ACBD6: variants seen among roughly 807,000 people sequenced by gnomAD.
The protein encoded by ACBD6 is acyl-CoA binding domain containing 6.
In ACBD6, 28 loss-of-function variants were observed where a neutral mutation model predicts 37.2. The ratio of observed to expected loss-of-function variants is 0.75; its 90% confidence interval spans 0.56 to 1.03. The LOEUF (loss-of-function observed/expected upper bound fraction) is 1.03, where lower values mean the gene tolerates loss of function less well. Ranked by LOEUF, ACBD6 falls within the 50% of genes least tolerant of loss-of-function variation. The pLI is 0.00. For missense variants in ACBD6, 340 were observed against 337.4 expected (o/e 1.01, Z -0.06); for synonymous variants, 113 against 126.8 (o/e 0.89, Z 0.73).
At chr1:180,393,647 A>G (rs994773350) in intron 6 of ACBD6, among the ~76,000 whole-genome samples, 23 of 152,352 alleles carry the variant, frequency 1.5e-4, no homozygotes, top group Non-Finnish European at 2.6e-4. Context: ...AACAAAACCA[A>G]AGAAGATATT....
intron 3 of ACBD6, among the ~76,000 whole-genome samples, chr1:180,452,322 T>C (rs551865117): frequency 1.3e-5 from 2 of 151,980 alleles, no homozygotes; most frequent in Admixed American, 6.5e-5. Flanking sequence ...ATACAAAAAT[T>C]ACCTGGGCAT....
intron 1 of ACBD6, among the ~76,000 whole-genome samples, chr1:180,499,899 T>A (rs1651887060): frequency 6.6e-6 from 1 of 152,184 alleles, no homozygotes; most frequent in Non-Finnish European, 1.5e-5. Context: ...ATATTCATAA[T>A]AATGACCATC....
exon 14 of ACBD6, chr1:180,270,587 G>A (rs1381671993): frequency 1.3e-5 from 2 of 152,750 alleles, no homozygotes; most frequent in African/African-American, 4.8e-5. Context: ...CTCAAAATCT[G>A]TCTAGGACTT....
intron 6 of ACBD6, among the ~76,000 whole-genome samples, chr1:180,335,742 T>C (rs1651686727): frequency 6.9e-6 from 1 of 145,756 alleles, no homozygotes. Context: ...TCAAGACCCA[T>C]CAGTGTGCTG....
intron 4 of ACBD6, among the ~76,000 whole-genome samples, chr1:180,420,315 C>A (rs1226008045): frequency 1.3e-5 from 2 of 152,206 alleles, no homozygotes; most frequent in African/African-American, 4.8e-5. Flanking sequence ...CCTGTGAAGT[C>A]ACATATAACA....
At chr1:180,354,747 G>A (rs1358055225) in intron 6 of ACBD6, among the ~76,000 whole-genome samples, 1 of 152,126 alleles carries the variant, frequency 6.6e-6, no homozygotes, top group South Asian at 2.1e-4. Context: ...GTTAGCTTTA[G>A]TTTTATTCCC....
intron 7 of ACBD6, among the ~76,000 whole-genome samples, chr1:180,298,146 A>T (rs1649994515): frequency 6.6e-6 from 1 of 152,234 alleles, no homozygotes; most frequent in Non-Finnish European, 1.5e-5. Context: ...AATCTCTTAT[A>T]AAATACAACA....
intron 3 of ACBD6, among the ~76,000 whole-genome samples, chr1:180,437,617 A>T (rs1039494684): frequency 2.0e-5 from 3 of 152,176 alleles, no homozygotes; most frequent in African/African-American, 7.2e-5. Context: ...AAAAATCCTA[A>T]AGATTCCACC....
intron 9 of ACBD6, chr1:180,277,329 C>G (rs970376901): frequency 5.8e-4 from 89 of 152,220 alleles, no homozygotes. Context: ...GCTTGGAAGT[C>G]TATTATGGGG....
chr1:180,447,943 G>C (rs1194265145), intron 3 of ACBD6, among the ~76,000 whole-genome samples: 1 of 151,790 alleles, frequency 6.6e-6, no homozygotes, highest in Non-Finnish European at 1.5e-5. Context: ...AACAGACCAT[G>C]ATTATAAGTA....
intron 3 of ACBD6, among the ~76,000 whole-genome samples, chr1:180,439,589 CA>C (rs113267124): frequency 2.3e-3 from 309 of 131,734 alleles, no homozygotes; most frequent in Middle Eastern, 3.8e-3. Flanking sequence ...GACTCCGTCT[CA>C]AAAAAAAAAA....
At chr1:180,370,440 C>G (rs1438569719) in intron 6 of ACBD6, among the ~76,000 whole-genome samples, 1 of 152,122 alleles carries the variant, frequency 6.6e-6, no homozygotes, top group African/African-American at 2.4e-5. Flanking sequence ...AAACATTACA[C>G]AAGAGACCAC....
chr1:180,354,165 C>T (rs1652532717), intron 6 of ACBD6, among the ~76,000 whole-genome samples: 2 of 152,140 alleles, frequency 1.3e-5, no homozygotes, highest in Admixed American at 1.3e-4. Flanking sequence ...GGAGGTAGGC[C>T]ACAGCTCACT....
Position 180,461,274 on chromosome 1 carries a change from G to T in ACBD6, c.384+30995C>A, listed in dbSNP as rs150064439. On this transcript the variant is annotated intron_variant, in intron 3 of 7. Coordinates refer to ENST00000367595, the MANE Select transcript of ACBD6 (RefSeq NM_032360.4). ...ATATAAAAAGACCAAATCTATGACT[G>T]ACTGGTGTACCCGAAAGAGCTAGGG... 2.4e-4 allele frequency among the ~76,000 whole-genome samples: 36 copies of T among 152,282 alleles called. No homozygotes were observed. The East Asian group carries it at 5.8e-3, about 24-fold the overall frequency.
chr1:180,490,568 G>T (rs1651453337), intron 3 of ACBD6, among the ~76,000 whole-genome samples: 1 of 151,812 alleles, frequency 6.6e-6, no homozygotes, highest in South Asian at 2.1e-4. Flanking sequence ...GAGGTCAGGA[G>T]ATCGAGACCA....
chr1:180,384,001 C>T (rs58565991), intron 6 of ACBD6, among the ~76,000 whole-genome samples: 1 of 151,828 alleles, frequency 6.6e-6, no homozygotes, highest in South Asian at 2.1e-4. Flanking sequence ...CCATCTCTCA[C>T]CATATATAAA....
chr1:180,280,048 A>G (rs1273176805), intron 9 of ACBD6, among the ~76,000 whole-genome samples: 2 of 152,188 alleles, frequency 1.3e-5, no homozygotes, highest in Non-Finnish European at 2.9e-5. Context: ...TTAGTTCCTT[A>G]CACTAGACAC....
chr1:180,412,971 T>C (rs2101972196), intron 5 of ACBD6, among the ~76,000 whole-genome samples: 1 of 152,324 alleles, frequency 6.6e-6, no homozygotes, highest in Non-Finnish European at 1.5e-5. Flanking sequence ...ATTCTGACAG[T>C]TTTCTAAAGA....
intron 4 of ACBD6, among the ~76,000 whole-genome samples, chr1:180,420,612 T>A (rs775189311): frequency 6.6e-6 from 1 of 152,188 alleles, no homozygotes; most frequent in Non-Finnish European, 1.5e-5. Context: ...TCTGAGTGGC[T>A]GGAGAACTGT....
Sources: gnomAD v4.1 joint callset for allele counts (sites outside exome capture counted in the v4.1 genomes callset) on GRCh38, gnomAD v4.1.1 for gene constraint, MANE v1.5 for transcripts, NCBI Gene and HGNC (gene_info 2026-07-23, HGNC 2026-07-21) for gene names.